The following NSD2 variants were observed in gnomAD, a reference collection of about 807,000 sequenced individuals.
NSD2 encodes the protein histone-lysine N-methyltransferase NSD2.
A neutral mutation model predicts 139.0 loss-of-function variants in NSD2; 12 were observed. The ratio of observed to expected loss-of-function variants is 0.09; its 90% CI spans 0.06 to 0.14. NSD2 has a LOEUF of 0.14. Ranked by LOEUF, NSD2 falls within the 10% of genes least tolerant of loss-of-function variation. The probability of loss-of-function intolerance (pLI) is 1.00; values close to 1 mark genes in which losing one functional copy is unlikely to be tolerated. For synonymous variants in NSD2, 669 were observed against 648.7 expected (o/e 1.03, Z -0.48); for missense variants, 1,155 against 1,745.0 (o/e 0.66, Z 6.02).
chr4:1,976,465 T>A lies in NSD2; in HGVS notation c.3622-10T>A. ...CTTTCCGGTGATCTGTGCTTAATTC[T>A]TGACTCTAGACCTCGACGACCCTTT... On this transcript the variant is annotated splice_polypyrimidine_tract_variant and intron_variant, in intron 20 of 21. Transcript: ENST00000508803. This position sits in a 1 kb window ranked among gnomAD's most constrained non-coding sequence, Gnocchi z 5.3. 6.2e-7 allele frequency: 1 copy of A among 1,612,114 alleles called. No individual in the cohort carries two copies. The highest frequency in any genetic ancestry group is 1.1e-5 in the South Asian group (1 of 90,570).
At chr4:1,882,196 C>A (rs1172760540) in intron 1 of NSD2, among the ~76,000 whole-genome samples, 1 of 152,134 alleles carries the variant, frequency 6.6e-6, no homozygotes, top group Non-Finnish European at 1.5e-5. Flanking sequence ...CTTTGGGTCC[C>A]TGATTGGATT....
At chr4:1,944,959 A>G in intron 9 of NSD2, 1 of 1,064,172 alleles carries the variant, frequency 9.4e-7, no homozygotes, top group Non-Finnish European at 1.1e-6. Context: ...TAAAACCAAT[A>G]GGAAACTTAA....
chr4:1,926,886 C>G (rs554048449), intron 5 of NSD2, among the ~76,000 whole-genome samples: 1 of 152,306 alleles, frequency 6.6e-6, no homozygotes, highest in East Asian at 1.9e-4. Context: ...TATTAGTTAT[C>G]TATTGTTGCA....
chr4:1,888,612 G>C (rs1019117299), intron 1 of NSD2, among the ~76,000 whole-genome samples: 1 of 151,704 alleles, frequency 6.6e-6, no homozygotes, highest in Non-Finnish European at 1.5e-5. Flanking sequence ...TGTCACCCAG[G>C]CTGGATTGCA....
chr4:1,915,583 T>C (rs2108796234), intron 3 of NSD2, among the ~76,000 whole-genome samples: 2 of 152,340 alleles, frequency 1.3e-5, no homozygotes, highest in East Asian at 1.9e-4. Flanking sequence ...GATTCATTCA[T>C]ACTGGATGCT....
At chr4:1,938,417 T>TTTTTTTTTTTTTTTTTTTTTTTTTTC in intron 7 of NSD2, 34 bp from the exon 8 acceptor site, 3 of 190,422 alleles carry the variant, frequency 1.6e-5, no homozygotes, top group Non-Finnish European at 2.7e-5. Context: ...TTTTTCTTTC[T>TTTTTTTTTTTTTTTTTTTTTTTTTTC]TTTTTTTTTT....
At chr4:1,903,340 TTGG>T (rs532999628) in intron 2 of NSD2, among the ~76,000 whole-genome samples, 426 of 152,232 alleles carry the variant, frequency 2.8e-3, no homozygotes, top group Non-Finnish European at 4.2e-3. Context: ...GAGTTTTTCT[TTGG>T]TGGAATGTTC....
intron 1 of NSD2, among the ~76,000 whole-genome samples, chr4:1,885,524 C>T (rs557409325): frequency 6.6e-6 from 1 of 152,186 alleles, no homozygotes; most frequent in Non-Finnish European, 1.5e-5. Context: ...TCAGTGGCCC[C>T]TGTTGACATG....
chr4:1,885,003 A>G (rs937566372), intron 1 of NSD2, among the ~76,000 whole-genome samples: 1 of 151,834 alleles, frequency 6.6e-6, no homozygotes, highest in Non-Finnish European at 1.5e-5. Flanking sequence ...TCAGCTACTC[A>G]GGAGGCCGAG....
At chr4:1,940,879 G>A (rs541887060) in intron 9 of NSD2, 28 of 1,057,872 alleles carry the variant, frequency 2.6e-5, no homozygotes, top group Non-Finnish European at 3.1e-5. Context: ...ATAGAGCTCT[G>A]CGGCTTGCCA....
rs1006256604 is a variant in NSD2 at position 1,947,368 on chromosome 4, A to G, written c.1882-3704A>G. 2.6e-5 allele frequency: 28 copies of G among 1,061,662 alleles called. No homozygotes were observed. The Admixed American group carries it at 1.5e-3, about 55-fold the overall frequency. 65.8% of individuals were successfully genotyped at this position (1,061,662 alleles called of 1,614,324 possible). ...TGGGGCTATGTGGCTACGGCTACAC[A>G]AAAGCCTGTGCAGGTTAGAAGACGA... On this transcript the variant is annotated intron_variant, in intron 9 of 21. Coordinates refer to ENST00000508803, the MANE Select transcript of NSD2 (RefSeq NM_001042424.3).
At chr4:1,959,334 T>C (rs1221685570) in intron 16 of NSD2, 137 bp from the exon 17 acceptor site, 4 of 906,826 alleles carry the variant, frequency 4.4e-6, no homozygotes, top group Non-Finnish European at 6.7e-6. Flanking sequence ...CTGTTCTGAG[T>C]AGTGTGTCCT....
chr4:1,923,495 C>T (rs941112003), intron 5 of NSD2, among the ~76,000 whole-genome samples: 1 of 152,120 alleles, frequency 6.6e-6, no homozygotes, highest in Non-Finnish European at 1.5e-5. Flanking sequence ...CTGTATGTTA[C>T]GATCCTGGTG....
chr4:1,941,853 ATGTT>A (rs1723134520), intron 9 of NSD2: 2 of 1,057,980 alleles, frequency 1.9e-6, no homozygotes, highest in Non-Finnish European at 2.3e-6. Context: ...ACTACAGTAA[ATGTT>A]TGTGATGTTT....
intron 3 of NSD2, among the ~76,000 whole-genome samples, chr4:1,910,960 C>T (rs914879141): frequency 2.6e-5 from 4 of 152,054 alleles, no homozygotes; most frequent in African/African-American, 4.8e-5. Context: ...TCTTGGCTTC[C>T]GCAGACACCT....
intron 1 of NSD2, among the ~76,000 whole-genome samples, chr4:1,877,316 TC>T: frequency 6.6e-6 from 1 of 152,308 alleles, no homozygotes; most frequent in Middle Eastern, 3.4e-3. Flanking sequence ...GCCTTGTCTT[TC>T]TAAAATACAG....
intron 1 of NSD2, among the ~76,000 whole-genome samples, chr4:1,890,000 T>A (rs1256802204): frequency 6.6e-6 from 1 of 152,154 alleles, no homozygotes; most frequent in Non-Finnish European, 1.5e-5. Flanking sequence ...TCCTCTCCTC[T>A]CCCAGCCCCT....
At chr4:1,939,631 T>C (rs759328148) in intron 8 of NSD2, 23 bp from the exon 9 acceptor site, 17 of 1,613,114 alleles carry the variant, frequency 1.1e-5, no homozygotes, top group Non-Finnish European at 1.2e-5. Context: ...TTTGAAACTT[T>C]ACAAACCAAA....
chr4:1,979,132 G>GACA lies in NSD2; in HGVS notation c.*225_*227dup. ...GTCTGAGCCCAGCTCAGCGTTCCTG[G>GACA]ACAAACAGCCTCACTCCTCAGCGTT... On this transcript the variant is annotated 3_prime_UTR_variant, in exon 22 of 22. Transcript: ENST00000508803. 1 of 466,446 alleles carries GACA rather than the reference G, an allele frequency of 2.1e-6. No homozygotes were observed. 28.9% of individuals were successfully genotyped at this position (466,446 alleles called of 1,614,324 possible).
Sources: allele counts gnomAD v4.1 joint callset (sites outside exome capture counted in the v4.1 genomes callset), GRCh38; gene constraint gnomAD v4.1.1; non-coding constraint Gnocchi (gnomAD v3.1); transcripts MANE v1.5; gene names NCBI Gene and HGNC (gene_info 2026-07-23, HGNC 2026-07-21).